Variants in CD163L1 observed in about 807,000 individuals in gnomAD.
CD163L1 encodes scavenger receptor cysteine-rich type 1 protein M160.
In CD163L1, 124 loss-of-function variants were observed where a neutral mutation model predicts 165.4. The observed-to-expected ratio is 0.75, with a 90% CI of 0.65 to 0.87. The LOEUF (loss-of-function observed/expected upper bound fraction) is 0.87. Among genes scored for constraint, CD163L1 ranks in the 40% least tolerant of loss-of-function variants. The pLI is 0.00. For missense variants in CD163L1, 1,525 were observed against 1,799.9 expected, an observed-to-expected ratio of 0.85 and a Z score of 2.76; for synonymous variants, 585 against 662.2, an observed-to-expected ratio of 0.88 and a Z score of 1.79.
chr12:7,370,853 T>C (rs1033906036), intron 14 of CD163L1, among the ~76,000 whole-genome samples: 2 of 152,216 alleles, frequency 1.3e-5, no homozygotes, highest in Non-Finnish European at 2.9e-5. Flanking sequence ...GCCTATATAA[T>C]AATAAATTCA....
At chr12:7,367,695 C>A in intron 17 of CD163L1, 1 of 237,758 alleles carries the variant, frequency 4.2e-6, no homozygotes. Context: ...GGCCACACAG[C>A]TAGTAAGTTA....
At chr12:7,354,027 C>A (rs1037361383), downstream of CD163L1, among the ~76,000 whole-genome samples, 7 of 151,990 alleles carry the variant, frequency 4.6e-5, no homozygotes, top group African/African-American at 4.8e-5. Context: ...TGAGAAGAAG[C>A]CTTCAAAACA....
chr12:7,395,719 G>T (rs754773613), intron 8 of CD163L1, among the ~76,000 whole-genome samples: 4 of 152,004 alleles, frequency 2.6e-5, no homozygotes, highest in Non-Finnish European at 5.9e-5. Context: ...GTCATCTTGG[G>T]TACCAATTTT....
intron 4 of CD163L1, among the ~76,000 whole-genome samples, chr12:7,418,724 C>T (rs1352034910): frequency 2.6e-5 from 4 of 151,804 alleles, no homozygotes; most frequent in Non-Finnish European, 4.4e-5. Flanking sequence ...GAAATACAAA[C>T]AATCATTCAA....
intron 6 of CD163L1, among the ~76,000 whole-genome samples, chr12:7,403,101 A>C (rs1947945644): frequency 6.6e-6 from 1 of 152,172 alleles, no homozygotes; most frequent in South Asian, 2.1e-4. Flanking sequence ...TATGCATATA[A>C]ATATATCTAT....
chr12:7,439,693 C>T (rs1221296025), intron 2 of CD163L1: 2 of 1,612,236 alleles, frequency 1.2e-6, no homozygotes, highest in African/African-American at 2.7e-5. Flanking sequence ...CACTTCTTTA[C>T]AGTCCTCCAG....
chr12:7,363,071 T>C (rs1056250885), intron 18 of CD163L1, among the ~76,000 whole-genome samples: 13 of 152,032 alleles, frequency 8.6e-5, no homozygotes, highest in African/African-American at 2.9e-4. Context: ...GGGACGTTTA[T>C]AGCAGTAAAC....
At position 7,396,380 on chromosome 12, in the gene CD163L1, T is replaced by G; in HGVS notation, c.1765A>C (p.Ser589Arg). 1.2e-6 allele frequency: 2 copies of G among 1,610,044 alleles called. No individual in the cohort carries two copies. The highest frequency in any genetic ancestry group is 1.3e-5 in the African/African-American group (1 of 75,018). The change falls in exon 8 of 20, where the codon AGC (serine) becomes CGC (arginine). Residue 589 changes from serine (S) to arginine (R), a missense_variant. Physicochemically the swap from Ser to Arg is moderately radical, Grantham distance 110 (BLOSUM62 -1). Transcript: ENST00000313599. ...ATWGLRLVGGSNRCSGRLEVY... is the reference protein window; with the variant it reads ...ATWGLRLVGGRNRCSGRLEVY... Reference sequence around the variant, plus strand: ...TCCAGTCTTCCCGAGCAGCGGTTGCTGCCGCCCACCAGCCTCAGGCCCCAT... The same window carrying G: ...TCCAGTCTTCCCGAGCAGCGGTTGCGGCCGCCCACCAGCCTCAGGCCCCAT...
Position 7,438,771 on chromosome 12 carries a change from C to T in CD163L1, c.124+2383G>A, listed in dbSNP as rs771644165. The T allele has an allele frequency of 1.0e-5, 15 of 1,435,236 alleles. No individual in the cohort carries two copies. The East Asian group carries it at 2.1e-4, about 20-fold the overall frequency. 88.9% of individuals were successfully genotyped at this position (1,435,236 alleles called of 1,614,324 possible). On this transcript the variant is annotated intron_variant, in intron 2 of 19. Coordinates refer to ENST00000313599, the MANE Select transcript of CD163L1 (RefSeq NM_174941.6). ...ACGGGTTTTCTGCTGCCTCCCGTGG[C>T]CCTTACCTCCTCGGCTGAGTCCATG... is the stretch of plus-strand genomic sequence containing the variant.
At chr12:7,399,059 A>G (rs1239765190) in intron 6 of CD163L1, among the ~76,000 whole-genome samples, 1 of 152,184 alleles carries the variant, frequency 6.6e-6, no homozygotes, top group Non-Finnish European at 1.5e-5. Context: ...TCATAAAATA[A>G]ATTCCTTTTT....
intron 6 of CD163L1, among the ~76,000 whole-genome samples, chr12:7,399,266 T>C (rs1018121090): frequency 1.3e-5 from 2 of 149,382 alleles, no homozygotes; most frequent in African/African-American, 5.0e-5. Flanking sequence ...CTTTCCTCTC[T>C]TTCTTCCTTT....
In CD163L1 at chr12:7,433,676, A is replaced by G. The variant is rs765763766; in HGVS notation, c.143T>C (p.Leu48Ser). 6.2e-7 allele frequency: 1 copy of G among 1,612,542 alleles called. No homozygotes were observed. The stretch of plus-strand genomic sequence containing the variant: ...GGGACCGTCTCCATTGACCAGCCTC[A>G]ACTCCAAATCTGTTCCATCTGCAAG... Reference protein sequence around the residue: ...ISSFNGTDLELRLVNGDGPCS... With the variant: ...ISSFNGTDLESRLVNGDGPCS... Residue 48 changes from leucine (L) to serine (S), a missense_variant, in exon 3 of 20, where the codon TTG (leucine) becomes TCG (serine). Leu to Ser is a moderately radical substitution (Grantham distance 145). Transcript: ENST00000313599.
the CD163L1 span, among the ~76,000 whole-genome samples, chr12:7,332,894 G>C: frequency 1.3e-5 from 2 of 152,136 alleles, no homozygotes; most frequent in African/African-American, 2.4e-5. Context: ...AAAATAACCA[G>C]CTAACATCAT....
At chr12:7,370,706 G>C (rs1375876595) in intron 14 of CD163L1, among the ~76,000 whole-genome samples, 2 of 152,002 alleles carry the variant, frequency 1.3e-5, no homozygotes, top group African/African-American at 4.8e-5. Flanking sequence ...CAGTTACCGT[G>C]TTAACTCTTT....
Position 7,431,111 on chromosome 12 carries a change from T to C in CD163L1, c.766+1305A>G, listed in dbSNP as rs1242805205. Among the ~76,000 whole-genome samples the C allele has an allele frequency of 2.0e-5, 3 of 151,846 alleles. No homozygotes were observed. The East Asian group carries it at 5.8e-4, about 29-fold the overall frequency. On this transcript the variant is annotated intron_variant, in intron 4 of 19. Transcript: ENST00000313599. ...GTTGCTTGGTTTATACTGATAGTAA[T>C]GGAAATGGTGAAAAGAAGCCGCATT...
chr12:7,348,843 T>C (rs1265255597), intron 4 of CD163L1, among the ~76,000 whole-genome samples: 1 of 151,890 alleles, frequency 6.6e-6, no homozygotes, highest in Non-Finnish European at 1.5e-5. Flanking sequence ...TAAATGTTTT[T>C]CAAAAACTGA....
chr12:7,421,982 T>C (rs1948449046), intron 4 of CD163L1, among the ~76,000 whole-genome samples: 1 of 152,022 alleles, frequency 6.6e-6, no homozygotes, highest in Non-Finnish European at 1.5e-5. Flanking sequence ...CTGAACTCCA[T>C]GACTCCTGAC....
At chr12:7,371,969 C>G (rs1947155508) in intron 14 of CD163L1, among the ~76,000 whole-genome samples, 1 of 151,572 alleles carries the variant, frequency 6.6e-6, no homozygotes, top group African/African-American at 2.4e-5. Flanking sequence ...TAGGTGATAT[C>G]TGTGTTTTTT....
rs1296241096 is a variant in CD163L1, at chr12:7,400,211, G to A, written c.1409-1627C>T. On this transcript the variant is annotated intron_variant, in intron 6 of 19. Transcript: ENST00000313599. This position sits in a 1 kb window ranked among gnomAD's most constrained non-coding sequence, Gnocchi z 4.1. ...TCATTTTCACAAATTACACTGCTAC[G>A]GACATCCTTACACATAAAGTTTTGA... 2.0e-5 allele frequency among the ~76,000 whole-genome samples: 3 copies of A among 151,936 alleles called. No homozygotes were observed. The highest frequency in any genetic ancestry group is 1.3e-4 in the Admixed American group (2 of 15,254).
Sources: allele counts gnomAD v4.1 joint callset (sites outside exome capture counted in the v4.1 genomes callset), GRCh38; gene constraint gnomAD v4.1.1; non-coding constraint Gnocchi (gnomAD v3.1); transcripts MANE v1.5; gene names NCBI Gene and HGNC (gene_info 2026-07-23, HGNC 2026-07-21).